The following NEK1 variants were observed in gnomAD, a reference collection of about 807,000 sequenced individuals.
The protein encoded by NEK1 is NIMA related kinase 1, also known as serine/threonine-protein kinase Nek1.
NEK1 carries 137 observed loss-of-function variants against 182.1 expected under a neutral mutation model. The ratio of observed to expected loss-of-function variants is 0.75; its 90% CI spans 0.65 to 0.87. NEK1 has a LOEUF of 0.87. NEK1 is among the 40% of genes least tolerant of loss of function. The pLI, the probability that NEK1 is intolerant of heterozygous loss-of-function variation, is 0.00. For missense variants in NEK1, 1,391 were observed against 1,494.4 expected (o/e 0.93, Z 1.14); for synonymous variants, 513 against 492.2 (o/e 1.04, Z -0.56).
At chr4:169,480,665 A>G (rs1747825191) in intron 23 of NEK1, among the ~76,000 whole-genome samples, 1 of 152,312 alleles carries the variant, frequency 6.6e-6, no homozygotes, top group Non-Finnish European at 1.5e-5. Context: ...ATTTCTTAAA[A>G]TAAGACAAAA....
intron 12 of NEK1, among the ~76,000 whole-genome samples, chr4:169,572,158 A>G (rs1324098108): frequency 6.6e-6 from 1 of 152,140 alleles, no homozygotes; most frequent in East Asian, 1.9e-4. Context: ...ATGAGAACAG[A>G]CTAAGAGGGT....
intron 10 of NEK1, among the ~76,000 whole-genome samples, chr4:169,581,885 A>G (rs915162736): frequency 7.9e-5 from 12 of 152,140 alleles, no homozygotes; most frequent in African/African-American, 2.7e-4. Flanking sequence ...ATTATAACTA[A>G]TTTTATTAAG....
At chr4:169,406,549 A>T in intron 32 of NEK1, 47 bp downstream of exon 32, 1 of 1,402,930 alleles carries the variant, frequency 7.1e-7, no homozygotes, top group Non-Finnish European at 9.5e-7. Flanking sequence ...TTTACATATA[A>T]ATTCAGAAAA....
intron 29 of NEK1, among the ~76,000 whole-genome samples, chr4:169,430,617 A>T (rs977133505): frequency 1.7e-4 from 26 of 152,354 alleles, no homozygotes; most frequent in African/African-American, 6.3e-4. Flanking sequence ...AAGACAGGAT[A>T]AACAGGTGAA....
At position 169,400,208 on chromosome 4, in the gene NEK1, A is replaced by T; in HGVS notation, c.3847+17T>A. On this transcript the variant is annotated intron_variant, in intron 35 of 35. Transcript: ENST00000507142. ...CACATTTACTGAAAATTATACAGAC[A>T]TGTGAGGAAATCTTACCTTCTTGGT... is the stretch of plus-strand genomic sequence containing the variant. The T allele has an allele frequency of 6.4e-7, 1 of 1,569,430 alleles. No homozygotes were observed. Among genetic ancestry groups the T allele is most frequent in the East Asian group, 2.3e-5 (1 of 43,584 alleles).
chr4:169,426,035 T>C, intron 30 of NEK1, 111 bp downstream of exon 30: 1 of 741,584 alleles, frequency 1.3e-6, no homozygotes. Context: ...ATGATTGAGA[T>C]GACTGATAAG....
intron 2 of NEK1, among the ~76,000 whole-genome samples, chr4:169,611,261 T>C (rs1772284874): frequency 6.6e-6 from 1 of 152,198 alleles, no homozygotes; most frequent in Non-Finnish European, 1.5e-5. Flanking sequence ...ACAGTGACTT[T>C]TAACGTGAAA....
chr4:169,537,908 T>C lies in NEK1; in HGVS notation c.1566A>G (p.Gln522=). Residue 522 remains glutamine, a synonymous_variant, in exon 19 of 36, where the codon CAA becomes CAG. Coordinates refer to ENST00000507142, the MANE Select transcript of NEK1 (RefSeq NM_001199397.3). ...CTCTTTCTACAGCTAGCTGCCCTTT[T>C]TGCCTAATTTGGACAAATCACAAAG... ...AVSKQANANR[Q]KGQLAVERAK... is the part of the protein sequence containing the mutation. 4 of 1,596,970 alleles carry C rather than the reference T, an allele frequency of 2.5e-6. No homozygotes were observed. The Middle Eastern group carries it at 5.0e-4, about 199-fold the overall frequency.
At chr4:169,515,595 G>A (rs1580391043) in intron 19 of NEK1, among the ~76,000 whole-genome samples, 1 of 128,556 alleles carries the variant, frequency 7.8e-6, no homozygotes, top group Non-Finnish European at 1.6e-5. Flanking sequence ...CTGGTGCGCT[G>A]CACCCACTAA....
In NEK1 at chr4:169,507,807, G is replaced by A. The variant is rs943784985; in HGVS notation, c.1834-15C>T. On this transcript the variant is annotated splice_polypyrimidine_tract_variant and intron_variant, in intron 21 of 35. Transcript: ENST00000507142. ...TTAGCTTCTTTCTACAAAATAAGTA[G>A]ATAAGCAAATCACTTAGGATAGAAT... The A allele has an allele frequency of 5.1e-6, 8 of 1,581,970 alleles. No homozygotes were observed. The highest frequency in any genetic ancestry group is 6.9e-6 in the Non-Finnish European group (8 of 1,151,734).
chr4:169,610,500 A>G (rs1475631949), intron 2 of NEK1, among the ~76,000 whole-genome samples: 2 of 151,694 alleles, frequency 1.3e-5, no homozygotes, highest in African/African-American at 4.8e-5. Flanking sequence ...TTTTTGGTAG[A>G]TATGGGTTCG....
chr4:169,545,106 GGTTA>G (rs943465542), intron 18 of NEK1, among the ~76,000 whole-genome samples: 1 of 147,550 alleles, frequency 6.8e-6, no homozygotes, highest in Non-Finnish European at 1.5e-5. Flanking sequence ...ACATTGTGCA[GGTTA>G]GTTACATATG....
chr4:169,441,820 C>T (rs548624272), intron 27 of NEK1, among the ~76,000 whole-genome samples: 172 of 152,278 alleles, frequency 1.1e-3, no homozygotes, highest in African/African-American at 4.0e-3. Flanking sequence ...CCTGCACATG[C>T]ACCACACAGG....
chr4:169,587,544 G>A lies in NEK1; in HGVS notation c.606+15C>T. On this transcript the variant is annotated intron_variant, in intron 9 of 35. Transcript: ENST00000507142. ...TTAACATAACTTTGAAAGTATTTCAGAAACTTCTACTTACAGCATGTTTAA... is the reference window on the plus strand; with the variant it reads ...TTAACATAACTTTGAAAGTATTTCAAAAACTTCTACTTACAGCATGTTTAA... The A allele has an allele frequency of 7.1e-7, 1 of 1,411,010 alleles. No homozygotes were observed. Among genetic ancestry groups the A allele is most frequent in the Non-Finnish European group, 9.5e-7 (1 of 1,047,862 alleles). 87.4% of individuals were successfully genotyped at this position (1,411,010 alleles called of 1,614,324 possible).
intron 2 of NEK1, among the ~76,000 whole-genome samples, chr4:169,605,253 T>G (rs984024051): frequency 6.6e-6 from 1 of 152,202 alleles, no homozygotes; most frequent in Non-Finnish European, 1.5e-5. Flanking sequence ...AAGTCCCCAG[T>G]GTTGCATTCT....
intron 27 of NEK1, among the ~76,000 whole-genome samples, chr4:169,458,687 G>A (rs981925048): frequency 2.0e-5 from 3 of 151,956 alleles, no homozygotes; most frequent in Admixed American, 2.0e-4. Context: ...AATTAGCCAG[G>A]CATGGTGGTG....
chr4:169,537,973 A>C, intron 18 of NEK1, 62 bp from the exon 19 acceptor site: 1 of 1,201,970 alleles, frequency 8.3e-7, no homozygotes, highest in Non-Finnish European at 1.2e-6. Context: ...AAAGTTAAAA[A>C]TTACATTTAT....
At chr4:169,433,761 G>C in intron 28 of NEK1, 96 bp from the exon 29 acceptor site, 2 of 1,231,444 alleles carry the variant, frequency 1.6e-6, no homozygotes, top group Non-Finnish European at 2.3e-6. Context: ...CCTAGTTTTA[G>C]GGTAATATAT....
intron 19 of NEK1, among the ~76,000 whole-genome samples, chr4:169,524,963 C>T (rs552653440): frequency 6.6e-6 from 1 of 152,228 alleles, no homozygotes; most frequent in East Asian, 1.9e-4. Flanking sequence ...GCCACGAATG[C>T]TTACTATCTG....
Sources: allele counts gnomAD v4.1 joint callset (sites outside exome capture counted in the v4.1 genomes callset), GRCh38; gene constraint gnomAD v4.1.1; transcripts MANE v1.5; gene names NCBI Gene and HGNC (gene_info 2026-07-23, HGNC 2026-07-21).